PSIP1: variants seen among roughly 807,000 people sequenced by gnomAD.
PSIP1 encodes PC4 and SFRS1-interacting protein.
A neutral mutation model predicts 74.7 loss-of-function variants in PSIP1; 19 were observed. That is an observed-to-expected ratio of 0.25 (90% CI 0.18 to 0.37). The LOEUF (loss-of-function observed/expected upper bound fraction) is 0.37. Among genes scored for constraint, PSIP1 ranks in the 10% least tolerant of loss-of-function variants. The probability of loss-of-function intolerance (pLI) is 1.00; values close to 1 mark genes in which losing one functional copy is unlikely to be tolerated. For synonymous variants in PSIP1, 222 were observed against 195.3 expected (o/e 1.14, Z -1.14); for missense variants, 601 against 614.3 (o/e 0.98, Z 0.23).
intron 3 of PSIP1, among the ~76,000 whole-genome samples, chr9:15,493,160 A>C (rs893028685): frequency 2.0e-5 from 3 of 152,104 alleles, no homozygotes; most frequent in African/African-American, 7.2e-5. Flanking sequence ...GTCACTTCCT[A>C]AATGCCTTGC....
At chr9:15,493,696 G>T (rs1002234736) in intron 3 of PSIP1, among the ~76,000 whole-genome samples, 1 of 152,156 alleles carries the variant, frequency 6.6e-6, no homozygotes, top group Non-Finnish European at 1.5e-5. Context: ...TCTTCACAGG[G>T]ACCCAGGAGA....
chr9:15,488,069 G>C (rs2036632501), intron 4 of PSIP1, among the ~76,000 whole-genome samples: 2 of 152,132 alleles, frequency 1.3e-5, no homozygotes, highest in Admixed American at 1.3e-4. Flanking sequence ...AGTGACTTAT[G>C]CCTGTAATCC....
In PSIP1 at chr9:15,469,069, A is replaced by C. The variant is rs778622627; in HGVS notation, c.1105-11T>G. 8 of 1,606,852 alleles carry C rather than the reference A, an allele frequency of 5.0e-6. No homozygotes were observed. Among genetic ancestry groups the C allele is most frequent in the Admixed American group, 1.7e-5 (1 of 59,232 alleles). On this transcript the variant is annotated splice_polypyrimidine_tract_variant and intron_variant, in intron 12 of 15. Transcript: ENST00000380733. ...GCATCTGTTCACATCCTTCATGACAAAACAGTAATTTCATAGCTGTTAATT... is the reference window on the plus strand; with the variant it reads ...GCATCTGTTCACATCCTTCATGACACAACAGTAATTTCATAGCTGTTAATT...
intron 6 of PSIP1, among the ~76,000 whole-genome samples, chr9:15,482,532 C>G (rs921238482): frequency 1.3e-5 from 2 of 152,078 alleles, no homozygotes; most frequent in Non-Finnish European, 2.9e-5. Context: ...TCAGAGCCTC[C>G]TCCATCCCTC....
chr9:15,501,857 AT>A (rs2037361899), intron 3 of PSIP1, among the ~76,000 whole-genome samples: 1 of 147,604 alleles, frequency 6.8e-6, no homozygotes, highest in Non-Finnish European at 1.5e-5. Context: ...ATATATATAT[AT>A]ATATATATAA....
chr9:15,486,785 G>T, intron 5 of PSIP1, 42 bp downstream of exon 5: 1 of 1,404,914 alleles, frequency 7.1e-7, no homozygotes, highest in African/African-American at 1.5e-5. Context: ...TTTCTTCCTT[G>T]AAACAAAATG....
At chr9:15,466,158 A>T (rs576097488) in intron 15 of PSIP1, among the ~76,000 whole-genome samples, 1 of 152,306 alleles carries the variant, frequency 6.6e-6, no homozygotes, top group South Asian at 2.1e-4. Context: ...TGGGTGGATC[A>T]CCTGAGGTCA....
rs149771268 is a variant in PSIP1 at position 15,502,720 on chromosome 9, T to C, written c.149+3841A>G. 5.6e-4 allele frequency among the ~76,000 whole-genome samples: 85 copies of C among 152,350 alleles called. 1 individual carries two copies. In the East Asian group the frequency reaches 0.014, roughly 26 times the overall value. On this transcript the variant is annotated intron_variant, in intron 3 of 15. Coordinates refer to ENST00000380733, the MANE Select transcript of PSIP1 (RefSeq NM_033222.5). ...GAAAGGAAGGGGAAAGACTATAACA[T>C]GTAATCAAGGATAATACCAAGACTT...
At chr9:15,499,595 C>G (rs1225972966) in intron 3 of PSIP1, among the ~76,000 whole-genome samples, 1 of 152,142 alleles carries the variant, frequency 6.6e-6, no homozygotes, top group African/African-American at 2.4e-5. Context: ...AGTCACAGGC[C>G]AGGCACGGTG....
chr9:15,502,138 C>G (rs547618461), intron 3 of PSIP1, among the ~76,000 whole-genome samples: 2 of 152,082 alleles, frequency 1.3e-5, no homozygotes, highest in African/African-American at 4.8e-5. Flanking sequence ...CAGTTTTCAT[C>G]CCAAAACCAT....
chr9:15,501,866 T>TATATATATATATATATATATATTAAA (rs1491160431), intron 3 of PSIP1, among the ~76,000 whole-genome samples: 1 of 135,654 alleles, frequency 7.4e-6, no homozygotes, highest in African/African-American at 2.8e-5. Context: ...TATATATATA[T>TATATATATATATATATATATATTAAA]AAAACGCACA....
chr9:15,478,999 A>C (rs1587480573), intron 7 of PSIP1, among the ~76,000 whole-genome samples: 1 of 152,192 alleles, frequency 6.6e-6, no homozygotes, highest in East Asian at 1.9e-4. Context: ...AAAATATATA[A>C]ATAAAAATCT....
At chr9:15,497,258 T>C (rs547354082) in intron 3 of PSIP1, among the ~76,000 whole-genome samples, 1 of 151,488 alleles carries the variant, frequency 6.6e-6, no homozygotes, top group East Asian at 1.9e-4. Flanking sequence ...AGAGCATGGA[T>C]GAATCTTGAA....
At chr9:15,473,915 CAAAAAAAAAAACA>C (rs1194425889) in intron 9 of PSIP1, 81 bp downstream of exon 9, 32 of 600,650 alleles carry the variant, frequency 5.3e-5, no homozygotes, top group African/African-American at 1.2e-4. Context: ...AAAAAAAAAA[CAAAAAAAAAAACA>C]AAAAAAAAAC....
chr9:15,466,953 G>A, intron 14 of PSIP1, 94 bp from the exon 15 acceptor site: 1 of 878,668 alleles, frequency 1.1e-6, no homozygotes, highest in African/African-American at 1.7e-5. Context: ...ATACAACATG[G>A]CCATCGTGTT....
chr9:15,485,046 T>C (rs896188062), intron 6 of PSIP1, among the ~76,000 whole-genome samples: 23 of 152,262 alleles, frequency 1.5e-4, no homozygotes, highest in African/African-American at 4.6e-4. Flanking sequence ...ATTGTGCCAC[T>C]GCACTACTCT....
chr9:15,504,124 A>G (rs1450555843), intron 3 of PSIP1, among the ~76,000 whole-genome samples: 2 of 152,246 alleles, frequency 1.3e-5, no homozygotes, highest in African/African-American at 4.8e-5. Context: ...CCAAAGATAA[A>G]TGGTATAATC....
At chr9:15,484,830 T>TGCCC (rs2036489702) in intron 6 of PSIP1, among the ~76,000 whole-genome samples, 1 of 151,288 alleles carries the variant, frequency 6.6e-6, no homozygotes. Context: ...AGAGAATTGT[T>TGCCC]TGAATTCGGG....
chr9:15,465,803 G>T (rs773031997), intron 15 of PSIP1: 15 of 456,122 alleles, frequency 3.3e-5, no homozygotes, highest in Non-Finnish European at 4.6e-5. Context: ...ATATGCAGAT[G>T]AAGCAAAATA....
Sources: gnomAD v4.1 joint callset for allele counts (sites outside exome capture counted in the v4.1 genomes callset) on GRCh38, gnomAD v4.1.1 for gene constraint, MANE v1.5 for transcripts, NCBI Gene and HGNC (gene_info 2026-07-23, HGNC 2026-07-21) for gene names.